Variants in STAM observed in about 807,000 individuals in gnomAD.
STAM encodes signal transducing adaptor molecule.
A neutral mutation model predicts 63.4 loss-of-function variants in STAM; 16 were observed. The ratio of observed to expected loss-of-function variants is 0.25; its 90% CI spans 0.17 to 0.38. The LOEUF is 0.38. STAM is among the 10% of genes least tolerant of loss of function. STAM has a pLI of 1.00. For missense variants in STAM, 636 were observed against 657.1 expected (o/e 0.97, Z 0.35); for synonymous variants, 238 against 223.9 (o/e 1.06, Z -0.56).
At chr10:17,702,388 T>C (rs1311385507) in intron 9 of STAM, among the ~76,000 whole-genome samples, 3 of 152,192 alleles carry the variant, frequency 2.0e-5, no homozygotes, top group African/African-American at 4.8e-5. Context: ...TTGAAATACA[T>C]GACAGAGACT....
chr10:17,665,365 A>G (rs568834246), intron 2 of STAM, among the ~76,000 whole-genome samples: 1 of 152,290 alleles, frequency 6.6e-6, no homozygotes, highest in East Asian at 1.9e-4. Flanking sequence ...GACATTGACA[A>G]GTCTAATTCC....
chr10:17,673,373 A>G (rs140275302), intron 2 of STAM, among the ~76,000 whole-genome samples: 25 of 152,358 alleles, frequency 1.6e-4, no homozygotes, highest in African/African-American at 4.3e-4. Context: ...TATTAGTTGT[A>G]CAATAGTGAA....
At chr10:17,700,055 GTTA>G in intron 8 of STAM, 133 bp from the exon 9 acceptor site, 1 of 562,710 alleles carries the variant, frequency 1.8e-6, no homozygotes, top group Non-Finnish European at 2.9e-6. Context: ...CTGCAACTCA[GTTA>G]TTTCTTAAAT....
chr10:17,708,355 C>T (rs1201165679), intron 12 of STAM, among the ~76,000 whole-genome samples: 1 of 152,136 alleles, frequency 6.6e-6, no homozygotes, highest in Non-Finnish European at 1.5e-5. Flanking sequence ...CTCTATTGTT[C>T]AATAAACTGC....
At chr10:17,666,297 CAT>C (rs1834372644) in intron 2 of STAM, among the ~76,000 whole-genome samples, 1 of 150,722 alleles carries the variant, frequency 6.6e-6, no homozygotes, top group Admixed American at 6.6e-5. Context: ...TGAGAAAGAT[CAT>C]ATGATAGTCA....
chr10:17,714,430 T>C (rs1475246290), intron 13 of STAM, 113 bp from the exon 14 acceptor site: 8 of 1,004,154 alleles, frequency 8.0e-6, no homozygotes, highest in Non-Finnish European at 1.2e-5. Context: ...TAGTAAAAGG[T>C]TATTAAATGA....
intron 6 of STAM, 73 bp from the exon 7 acceptor site, chr10:17,694,976 A>T (rs1554827262): frequency 1.4e-6 from 2 of 1,390,314 alleles, no homozygotes; most frequent in Non-Finnish European, 2.0e-6. Flanking sequence ...TTTTATCTTG[A>T]TGTCTTTTTC....
intron 2 of STAM, among the ~76,000 whole-genome samples, chr10:17,684,103 C>A: frequency 6.6e-6 from 1 of 152,114 alleles, no homozygotes; most frequent in Non-Finnish European, 1.5e-5. Context: ...TTTAGCATAT[C>A]GCCCTCGGTC....
At chr10:17,670,437 A>G (rs782553749) in intron 2 of STAM, among the ~76,000 whole-genome samples, 11 of 152,084 alleles carry the variant, frequency 7.2e-5, no homozygotes, top group Non-Finnish European at 1.3e-4. Context: ...TTCTACCTTC[A>G]CTGTGCTGTG....
intron 2 of STAM, among the ~76,000 whole-genome samples, chr10:17,665,579 A>G (rs1305559890): frequency 1.3e-5 from 2 of 151,930 alleles, no homozygotes. Context: ...TTAGAAATGT[A>G]TTTCTTTTAA....
chr10:17,657,864 T>G (rs1392938730), intron 1 of STAM, among the ~76,000 whole-genome samples: 3 of 151,746 alleles, frequency 2.0e-5, no homozygotes, highest in African/African-American at 2.4e-5. Context: ...TTTTTTTTCC[T>G]TAGTTTAGCT....
At chr10:17,652,924 TG>T (rs781943558) in intron 1 of STAM, among the ~76,000 whole-genome samples, 50 of 152,200 alleles carry the variant, frequency 3.3e-4, no homozygotes, top group Non-Finnish European at 5.7e-4. Context: ...CTTATAGTGT[TG>T]AATGATAAAT....
intron 2 of STAM, among the ~76,000 whole-genome samples, chr10:17,666,985 G>A (rs1339500610): frequency 1.3e-5 from 2 of 152,114 alleles, no homozygotes; most frequent in Non-Finnish European, 2.9e-5. Context: ...CTCTGTTACA[G>A]TGCCCTATGA....
intron 2 of STAM, among the ~76,000 whole-genome samples, chr10:17,663,669 A>C (rs782310878): frequency 3.3e-5 from 5 of 152,086 alleles, no homozygotes; most frequent in Non-Finnish European, 7.4e-5. Context: ...TATTGTGTGC[A>C]TAAATGGGAT....
chr10:17,676,698 C>A (rs782515164), intron 2 of STAM, among the ~76,000 whole-genome samples: 1 of 152,110 alleles, frequency 6.6e-6, no homozygotes, highest in Non-Finnish European at 1.5e-5. Flanking sequence ...CAGTTAACAC[C>A]ATCTTTCACT....
chr10:17,708,691 T>C (rs1351432817), intron 12 of STAM, 85 bp from the exon 13 acceptor site: 4 of 1,327,168 alleles, frequency 3.0e-6, no homozygotes, highest in Non-Finnish European at 4.0e-6. Flanking sequence ...TTTCTTGTTT[T>C]TGTAACTGAA....
At chr10:17,704,661 G>A (rs1836174558) in intron 10 of STAM, 143 bp downstream of exon 10, 2 of 711,526 alleles carry the variant, frequency 2.8e-6, no homozygotes, top group Middle Eastern at 2.8e-4. Flanking sequence ...CTCATATGCA[G>A]TTGAAACCTT....
chr10:17,695,334 T>G (rs1401178021), intron 7 of STAM, 93 bp downstream of exon 7: 10 of 1,190,032 alleles, frequency 8.4e-6, no homozygotes, highest in African/African-American at 3.1e-5. Context: ...CCAAATACAA[T>G]AATAAATATT....
In STAM at chr10:17,644,380, G is replaced by C; in HGVS notation, c.40+1G>C. 1 of 1,614,122 alleles carries C rather than the reference G, an allele frequency of 6.2e-7. No homozygotes were observed. Among genetic ancestry groups the C allele is most frequent in the Non-Finnish European group, 8.5e-7 (1 of 1,180,008 alleles). On this transcript the variant is annotated splice_donor_variant, in intron 1 of 13. Coordinates refer to ENST00000377524, the MANE Select transcript of STAM (RefSeq NM_003473.4). LOFTEE classifies it high-confidence loss of function. ...ACCAATCCCTTCGATCAGGATGTTG[G>C]TAAGTGTTTTTGCCTCTCCCTGCCC...
Sources: allele counts gnomAD v4.1 joint callset (sites outside exome capture counted in the v4.1 genomes callset), GRCh38; gene constraint gnomAD v4.1.1; transcripts MANE v1.5; gene names NCBI Gene and HGNC (gene_info 2026-07-23, HGNC 2026-07-21).